The following HPN variants were observed in gnomAD, a reference collection of about 807,000 sequenced individuals.
HPN encodes serine protease hepsin.
HPN carries 13 observed loss-of-function variants against 55.9 expected under a neutral mutation model. That is an observed-to-expected ratio of 0.23 (90% CI 0.15 to 0.37). The LOEUF (loss-of-function observed/expected upper bound fraction) is 0.37. Ranked by LOEUF, HPN falls within the 10% of genes least tolerant of loss-of-function variation. The probability of loss-of-function intolerance (pLI) is 1.00; values close to 1 mark genes in which losing one functional copy is unlikely to be tolerated. For synonymous variants in HPN, 225 were observed against 240.3 expected (o/e 0.94, Z 0.59); for missense variants, 451 against 575.8 (o/e 0.78, Z 2.22).
intron 2 of HPN, among the ~76,000 whole-genome samples, chr19:35,043,109 C>T (rs2064310389): frequency 6.6e-6 from 1 of 152,108 alleles, no homozygotes. Context: ...GTCCCAGAGA[C>T]CCAGGACCCC....
At chr19:35,054,361 TG>T (rs1467491414) in intron 4 of HPN, among the ~76,000 whole-genome samples, 1 of 148,110 alleles carries the variant, frequency 6.8e-6, no homozygotes, top group Admixed American at 6.9e-5. Flanking sequence ...GAGGTTGCAG[TG>T]AGCCGAGATC....
At chr19:35,057,380 T>C (rs945275257) in intron 4 of HPN, among the ~76,000 whole-genome samples, 1 of 150,698 alleles carries the variant, frequency 6.6e-6, no homozygotes. Flanking sequence ...GACCCAAGGT[T>C]GCACCAGTGC....
Position 35,060,669 on chromosome 19 carries a change from C to T in HPN, c.663C>T (p.Ala221=), listed in dbSNP as rs769534418. 3.4e-5 allele frequency: 55 copies of T among 1,614,052 alleles called. No homozygotes were observed. The highest frequency in any genetic ancestry group is 3.8e-5 in the Non-Finnish European group (45 of 1,180,052). The change falls in exon 9 of 13, where the codon GCC becomes GCT. Residue 221 remains alanine, a synonymous_variant. Coordinates refer to ENST00000672452, the MANE Select transcript of HPN (RefSeq NM_001384133.1). ...VLSRWRVFAG[A]VAQASPHGLQ... ...CCCGATGGCGAGTGTTTGCCGGTGC[C>T]GTGGCCCAGGCCTCTCCCCACGGTC...
intron 2 of HPN, among the ~76,000 whole-genome samples, chr19:35,043,556 G>A (rs1356458010): frequency 6.6e-6 from 1 of 152,206 alleles, no homozygotes; most frequent in East Asian, 1.9e-4. Context: ...ACAGCGTGGG[G>A]CGAGGCCTGA....
intron 2 of HPN, among the ~76,000 whole-genome samples, chr19:35,046,365 T>A (rs900660293): frequency 6.6e-6 from 1 of 151,284 alleles, no homozygotes; most frequent in African/African-American, 2.4e-5. Flanking sequence ...CTGCCTCAGC[T>A]TCCCGAGTAG....
chr19:35,050,773 C>T (rs562912263), intron 4 of HPN, among the ~76,000 whole-genome samples: 4 of 152,242 alleles, frequency 2.6e-5, no homozygotes, highest in Admixed American at 1.3e-4. Flanking sequence ...GAAAAGCCAA[C>T]ATCAACATTA....
chr19:35,066,254 C>T lies in HPN; in HGVS notation c.1221C>T (p.His407=). 3 of 1,613,928 alleles carry T rather than the reference C, an allele frequency of 1.9e-6. No individual in the cohort carries two copies. The highest frequency in any genetic ancestry group is 1.1e-5 in the South Asian group (1 of 91,034). Residue 407 remains histidine, a synonymous_variant, in exon 13 of 13, where the codon CAC becomes CAT. Coordinates refer to ENST00000672452, the MANE Select transcript of HPN (RefSeq NM_001384133.1). ...REWIFQAIKT[H]SEASGMVTQL is the part of the protein sequence containing the mutation. ...CCCCAGCTGTCTTTCCCCAGACTCACTCCGAAGCCAGCGGCATGGTGACCC... is the reference window on the plus strand; with the variant it reads ...CCCCAGCTGTCTTTCCCCAGACTCATTCCGAAGCCAGCGGCATGGTGACCC...
At chr19:35,060,539 A>G (rs1464251538) in intron 8 of HPN, 27 bp downstream of exon 8, 2 of 1,611,572 alleles carry the variant, frequency 1.2e-6, no homozygotes, top group Non-Finnish European at 1.7e-6. Context: ...GGCGCTGATG[A>G]TGGGGAGGCA....
chr19:35,041,584 GC>G (rs954744581), upstream of HPN: 2 of 1,142,258 alleles, frequency 1.8e-6, no homozygotes, highest in African/African-American at 3.4e-5. Context: ...TCCAAGGCAA[GC>G]CCCGTAGCTG....
chr19:35,041,689 C>CGGG, upstream of HPN: 1 of 385,808 alleles, frequency 2.6e-6, no homozygotes, highest in Non-Finnish European at 3.6e-6. Context: ...CCCGCCCCTT[C>CGGG]ACCCGCCCCT....
intron 2 of HPN, 48 bp from the exon 3 acceptor site, chr19:35,049,242 G>A (rs757059654): frequency 1.7e-5 from 23 of 1,377,834 alleles, no homozygotes; most frequent in Non-Finnish European, 2.1e-5. Context: ...AGACCCTGCC[G>A]CAATGAGGAC....
chr19:35,042,471 A>AGT lies in HPN; in HGVS notation c.-35_-34insTG. 6.3e-7 allele frequency: 1 copy of AGT among 1,599,308 alleles called. No homozygotes were observed. The highest frequency in any genetic ancestry group is 8.5e-7 in the Non-Finnish European group (1 of 1,173,290). On this transcript the variant is annotated 5_prime_UTR_variant, in exon 2 of 13. Transcript: ENST00000672452. ...CTCACAGGTCCCACCCTGGCCCAGG[A>AGT]GGTCAGCCAGGGAATCATTAACAAG...
chr19:35,059,906 C>T lies in HPN; in HGVS notation c.323C>T (p.Thr108Met), dbSNP rs201266611. 63 of 1,496,236 alleles carry T rather than the reference C, an allele frequency of 4.2e-5. No individual in the cohort carries two copies. In the Admixed American group the frequency reaches 4.3e-4, roughly 10 times the overall value. The allele number at this position is 1,496,236 out of a possible 1,614,324, so 92.7% of individuals were successfully genotyped here. Residue 108 changes from threonine to methionine, a missense_variant, in exon 6 of 13, where the codon ACG becomes ATG. Thr to Met is a moderately conservative substitution (Grantham distance 81). Coordinates refer to ENST00000672452, the MANE Select transcript of HPN (RefSeq NM_001384133.1). Reference protein sequence around the residue: ...ALTHSELDVRTAGANGTSGFF... With the variant: ...ALTHSELDVRMAGANGTSGFF... ...ACCCACTCCGAGCTGGACGTGCGAA[C>T]GGCGGGCGCCAATGGCACGTCGGGC...
chr19:35,065,188 C>A, intron 9 of HPN, 62 bp from the exon 10 acceptor site: 3 of 1,178,688 alleles, frequency 2.5e-6, no homozygotes, highest in Non-Finnish European at 3.7e-6. Context: ...AGCAGCTGGA[C>A]AGAGGTTTGT....
intron 4 of HPN, among the ~76,000 whole-genome samples, chr19:35,058,611 A>T (rs1600391266): frequency 6.9e-6 from 1 of 145,550 alleles, no homozygotes; most frequent in East Asian, 2.1e-4. Flanking sequence ...CAATATATTA[A>T]TATTATATTA....
intron 4 of HPN, among the ~76,000 whole-genome samples, chr19:35,055,988 C>T (rs532348779): frequency 1.3e-5 from 2 of 152,254 alleles, no homozygotes; most frequent in South Asian, 2.1e-4. Context: ...CTGATCTGCC[C>T]CTCCCTGGCT....
chr19:35,040,610 G>C (rs535267563), upstream of HPN: 2 of 153,212 alleles, frequency 1.3e-5, no homozygotes, highest in South Asian at 2.1e-4. Context: ...GGGTGAGGGA[G>C]AGTGGAACGG....
At chr19:35,050,540 A>G (rs1342096287) in intron 4 of HPN, 3 of 1,284,756 alleles carry the variant, frequency 2.3e-6, no homozygotes, top group Non-Finnish European at 3.0e-6. Flanking sequence ...GTCTGCAGGC[A>G]TGTGGAATGA....
At chr19:35,066,147 C>G (rs1327396486) in intron 12 of HPN, 102 bp from the exon 13 acceptor site, 2 of 1,612,880 alleles carry the variant, frequency 1.2e-6, no homozygotes, top group Admixed American at 1.7e-5. Context: ...GAGGGCCCCC[C>G]TTGGGAACAG....
Sources: allele counts gnomAD v4.1 joint callset (sites outside exome capture counted in the v4.1 genomes callset), GRCh38; gene constraint gnomAD v4.1.1; transcripts MANE v1.5; gene names NCBI Gene and HGNC (gene_info 2026-07-23, HGNC 2026-07-21).